The following ADCK1 variants were observed in gnomAD, a reference collection of about 807,000 sequenced individuals.
ADCK1 encodes aarF domain-containing protein kinase 1.
In ADCK1, 41 loss-of-function variants were observed where a neutral mutation model predicts 52.3. The ratio of observed to expected loss-of-function variants is 0.78; its 90% CI spans 0.61 to 1.02. The LOEUF is 1.02. Ranked by LOEUF, ADCK1 falls within the 50% of genes least tolerant of loss-of-function variation. The pLI is 0.00. For missense variants in ADCK1, 658 were observed against 679.5 expected (o/e 0.97, Z 0.35); for synonymous variants, 250 against 274.6 (o/e 0.91, Z 0.89).
chr14:77,877,056 A>C (rs2082916037), intron 4 of ADCK1, among the ~76,000 whole-genome samples: 1 of 152,190 alleles, frequency 6.6e-6, no homozygotes, highest in Non-Finnish European at 1.5e-5. Context: ...CTCTACTAAA[A>C]ATATAAAAAT....
intron 1 of ADCK1, among the ~76,000 whole-genome samples, chr14:77,811,379 G>A (rs779234972): frequency 6.6e-6 from 1 of 152,020 alleles, no homozygotes; most frequent in Non-Finnish European, 1.5e-5. Flanking sequence ...GTGTATGGAC[G>A]AGATCATGAG....
chr14:77,922,964 G>A (rs143024372), intron 7 of ADCK1, among the ~76,000 whole-genome samples: 119 of 152,326 alleles, frequency 7.8e-4, no homozygotes, highest in African/African-American at 2.4e-3. Context: ...AGGGTCTCAC[G>A]TTGAACGCAG....
chr14:77,925,649 C>T (rs930578532), intron 8 of ADCK1, 115 bp from the exon 9 acceptor site: 107 of 998,060 alleles, frequency 1.1e-4, no homozygotes, highest in Non-Finnish European at 1.3e-4. Flanking sequence ...AAACAGATGT[C>T]GTGGGAAGGC....
intron 4 of ADCK1, among the ~76,000 whole-genome samples, chr14:77,884,509 T>C (rs2083104636): frequency 6.6e-6 from 1 of 152,166 alleles, no homozygotes; most frequent in South Asian, 2.1e-4. Context: ...TTATCCCTGC[T>C]GGGGCCTGAG....
At chr14:77,928,818 A>T (rs2084256961) in intron 9 of ADCK1, among the ~76,000 whole-genome samples, 1 of 152,176 alleles carries the variant, frequency 6.6e-6, no homozygotes, top group Admixed American at 6.5e-5. Flanking sequence ...CCTTTGAAAA[A>T]GTCTTGTCTC....
intron 4 of ADCK1, among the ~76,000 whole-genome samples, chr14:77,879,284 A>G (rs2082967350): frequency 6.6e-6 from 1 of 152,218 alleles, no homozygotes; most frequent in African/African-American, 2.4e-5. Context: ...GCAGATGTCT[A>G]TAGTCTAGAA....
chr14:77,875,196 G>A (rs866565227), intron 4 of ADCK1, among the ~76,000 whole-genome samples: 21 of 152,162 alleles, frequency 1.4e-4, no homozygotes, highest in South Asian at 2.1e-4. Flanking sequence ...TGACATATTT[G>A]CAGATGGAAA....
intron 1 of ADCK1, among the ~76,000 whole-genome samples, chr14:77,804,195 A>G (rs2081169897): frequency 6.6e-6 from 1 of 152,182 alleles, no homozygotes. Context: ...GTGAAAGTCA[A>G]AAAGGCTAGT....
At chr14:77,872,052 G>A (rs2082790653) in intron 4 of ADCK1, among the ~76,000 whole-genome samples, 2 of 152,174 alleles carry the variant, frequency 1.3e-5, no homozygotes, top group African/African-American at 4.8e-5. Flanking sequence ...TCCCAAGTGG[G>A]AGGCAGGGCA....
At chr14:77,833,635 G>A (rs726538) in intron 3 of ADCK1, among the ~76,000 whole-genome samples, 58,451 of 151,996 alleles carry the variant, frequency 0.38, 11,997 homozygotes, top group Admixed American at 0.51. Context: ...CCTCAAAACC[G>A]TTCTGATTCT....
intron 3 of ADCK1, among the ~76,000 whole-genome samples, chr14:77,828,880 G>T (rs1177810341): frequency 6.7e-6 from 1 of 148,614 alleles, no homozygotes; most frequent in Non-Finnish European, 1.5e-5. Flanking sequence ...ATTCTATGGG[G>T]TCTATGTCCC....
chr14:77,910,885 T>C (rs2083776502), intron 7 of ADCK1, among the ~76,000 whole-genome samples: 2 of 152,172 alleles, frequency 1.3e-5, no homozygotes, highest in Non-Finnish European at 2.9e-5. Context: ...ATAAAGCCAG[T>C]GGTCTGTGCA....
chr14:77,917,309 A>G (rs995867911), intron 7 of ADCK1, among the ~76,000 whole-genome samples: 1 of 152,158 alleles, frequency 6.6e-6, no homozygotes, highest in African/African-American at 2.4e-5. Flanking sequence ...GAGGAAAGGC[A>G]GAGAGAGTTT....
At chr14:77,815,199 C>CTT (rs56211176) in intron 1 of ADCK1, among the ~76,000 whole-genome samples, 1 of 129,440 alleles carries the variant, frequency 7.7e-6, no homozygotes, top group Admixed American at 8.0e-5. Context: ...TTTGTTTTGT[C>CTT]TTTTTTTTTT....
At chr14:77,822,540 T>C in intron 3 of ADCK1, 22 bp downstream of exon 3, 1 of 1,591,858 alleles carries the variant, frequency 6.3e-7, no homozygotes, top group Admixed American at 1.7e-5. Context: ...ATGGGACCCA[T>C]CTGAGCCAGG....
intron 4 of ADCK1, among the ~76,000 whole-genome samples, chr14:77,875,095 A>G (rs1237581671): frequency 6.6e-6 from 1 of 152,130 alleles, no homozygotes; most frequent in African/African-American, 2.4e-5. Flanking sequence ...ACAAGAGTAG[A>G]ACTCACTGGA....
chr14:77,857,016 G>C (rs2082432176), intron 3 of ADCK1, among the ~76,000 whole-genome samples: 1 of 152,100 alleles, frequency 6.6e-6, no homozygotes. Context: ...AAAGCTTGAA[G>C]TGGACAGGCC....
chr14:77,886,189 T>C (rs1437488586), intron 4 of ADCK1, among the ~76,000 whole-genome samples: 3 of 152,158 alleles, frequency 2.0e-5, no homozygotes, highest in Non-Finnish European at 2.9e-5. Flanking sequence ...TGGTGACCCA[T>C]GTTGAGGCTG....
chr14:77,861,151 C>G (rs1475990281), intron 4 of ADCK1, among the ~76,000 whole-genome samples: 2 of 152,190 alleles, frequency 1.3e-5, no homozygotes, highest in Admixed American at 6.5e-5. Flanking sequence ...CTCCTGCCCC[C>G]ACAATGCTTC....
Sources: allele counts gnomAD v4.1 joint callset (sites outside exome capture counted in the v4.1 genomes callset), GRCh38; gene constraint gnomAD v4.1.1; transcripts MANE v1.5; gene names NCBI Gene and HGNC (gene_info 2026-07-23, HGNC 2026-07-21).